Variants in SHISA9 observed in about 807,000 individuals in gnomAD.
SHISA9 encodes protein shisa-9.
Under a neutral mutation model 38.0 loss-of-function variants are expected in SHISA9, and 13 were observed. The observed-to-expected ratio is 0.34, with a 90% confidence interval of 0.22 to 0.54. SHISA9 has a LOEUF of 0.54. Among genes scored for constraint, SHISA9 ranks in the 20% least tolerant of loss-of-function variants. The pLI is 0.91. For synonymous variants in SHISA9, 275 were observed against 242.0 expected (o/e 1.14, Z -1.27); for missense variants, 538 against 575.8 (o/e 0.93, Z 0.67).
At chr16:13,167,356 G>A (rs1171745800) in intron 2 of SHISA9, among the ~76,000 whole-genome samples, 2 of 152,134 alleles carry the variant, frequency 1.3e-5, no homozygotes, top group African/African-American at 4.8e-5. Context: ...ACAGGCGTGA[G>A]CCAGTGCACC....
intron 2 of SHISA9, among the ~76,000 whole-genome samples, chr16:13,023,340 G>T (rs926998971): frequency 1.1e-4 from 16 of 152,146 alleles, no homozygotes; most frequent in Non-Finnish European, 2.9e-5. Flanking sequence ...CCCTGCAAAG[G>T]ACATGAACTC....
At chr16:12,917,197 T>C (rs2071269747) in intron 2 of SHISA9, among the ~76,000 whole-genome samples, 1 of 152,220 alleles carries the variant, frequency 6.6e-6, no homozygotes, top group Admixed American at 6.5e-5. Flanking sequence ...TAGCCAATGG[T>C]CTGCTAGCTT....
At chr16:13,109,129 T>C (rs750853165) in intron 2 of SHISA9, among the ~76,000 whole-genome samples, 12 of 152,178 alleles carry the variant, frequency 7.9e-5, no homozygotes, top group Non-Finnish European at 1.5e-4. Flanking sequence ...GGGGCTCAAG[T>C]GATCCTCCTA....
the SHISA9 span, among the ~76,000 whole-genome samples, chr16:13,367,688 G>A: frequency 4.0e-5 from 5 of 125,882 alleles, no homozygotes; most frequent in Admixed American, 8.3e-5. Flanking sequence ...AAGTGTACAC[G>A]CGTGTGCGTG....
In SHISA9 at chr16:13,235,272, C is replaced by G; in HGVS notation, c.1138C>G (p.Arg380Gly). 2 of 1,551,630 alleles carry G rather than the reference C, an allele frequency of 1.3e-6. No individual in the cohort carries two copies. Among genetic ancestry groups the G allele is most frequent in the Non-Finnish European group, 1.7e-6 (2 of 1,147,016 alleles). Reference sequence around the variant, plus strand: ...GGACCCCAACGAGCAGTCCCTCCGGCGGCAGGCTTACAGCAACAAGGGCAA... The same window carrying G: ...GGACCCCAACGAGCAGTCCCTCCGGGGGCAGGCTTACAGCAACAAGGGCAA... ...GWDPNEQSLR[R>G]QAYSNKGKLG... The change falls in exon 5 of 5, where the codon CGG becomes GGG. Residue 380 changes from arginine to glycine, a missense_variant. By Grantham distance (125) the Arg-to-Gly change is moderately radical (BLOSUM62 -2). Coordinates refer to ENST00000558583, the MANE Select transcript of SHISA9 (RefSeq NM_001145204.3).
intron 2 of SHISA9, among the ~76,000 whole-genome samples, chr16:13,142,987 TCC>T (rs2050414354): frequency 6.9e-6 from 1 of 144,214 alleles, no homozygotes; most frequent in African/African-American, 2.5e-5. Flanking sequence ...TGTAGCTGTT[TCC>T]TTTTATTTTA....
In SHISA9 at chr16:12,963,217, C is replaced by G. The variant is rs556024811; in HGVS notation, c.691+46402C>G. 7.2e-5 allele frequency among the ~76,000 whole-genome samples: 11 copies of G among 152,274 alleles called. No homozygotes were observed. In the South Asian group the frequency reaches 2.3e-3, roughly 32 times the overall value. On this transcript the variant is annotated intron_variant, in intron 2 of 4. Transcript: ENST00000558583. ...CAGTTTGTTGTGAGATAATGTGTGC[C>G]TGTTGTGATGAGATGAGTGGGAATG... is the stretch of plus-strand genomic sequence containing the variant.
At chr16:13,354,940 A>C in the SHISA9 span, among the ~76,000 whole-genome samples, 1 of 151,776 alleles carries the variant, frequency 6.6e-6, no homozygotes, top group East Asian at 2.0e-4. Flanking sequence ...GCTTTGCGGC[A>C]GTACAGCCCA....
chr16:13,079,630 T>A lies in SHISA9; in HGVS notation c.692-123764T>A, dbSNP rs137944802. 4.5e-3 allele frequency among the ~76,000 whole-genome samples: 681 copies of A among 152,298 alleles called. 4 individuals carry two copies. Among genetic ancestry groups the A allele is most frequent in the African/African-American group, 0.016 (662 of 41,568 alleles). On this transcript the variant is annotated intron_variant, in intron 2 of 4. Coordinates refer to ENST00000558583, the MANE Select transcript of SHISA9 (RefSeq NM_001145204.3). ...AACGCATTTCTCCTGGAAGATCCAT[T>A]TTCTCCTGACAATGCTCTCTGTTTG...
the SHISA9 span, among the ~76,000 whole-genome samples, chr16:13,266,864 T>C: frequency 6.6e-6 from 1 of 152,304 alleles, no homozygotes; most frequent in African/African-American, 2.4e-5. Context: ...AGGGATTATT[T>C]AGTACCCACT....
intron 2 of SHISA9, among the ~76,000 whole-genome samples, chr16:13,201,645 C>T (rs528610410): frequency 3.8e-5 from 5 of 131,802 alleles, no homozygotes; most frequent in African/African-American, 1.2e-4. Flanking sequence ...AGTTTCCCGA[C>T]TCCTACTCTA....
downstream of SHISA9, among the ~76,000 whole-genome samples, chr16:13,241,009 C>T (rs574008974): frequency 1.3e-5 from 2 of 152,270 alleles, no homozygotes; most frequent in South Asian, 4.2e-4. Context: ...TGTCAGCTAC[C>T]ACTATGCACG....
intron 2 of SHISA9, among the ~76,000 whole-genome samples, chr16:12,948,335 A>G (rs547183532): frequency 2.0e-5 from 3 of 152,336 alleles, no homozygotes; most frequent in South Asian, 2.1e-4. Flanking sequence ...TCATCAGTAA[A>G]GGAGGACTTA....
intron 2 of SHISA9, among the ~76,000 whole-genome samples, chr16:13,018,129 C>T (rs1467686494): frequency 6.6e-6 from 1 of 152,204 alleles, no homozygotes; most frequent in African/African-American, 2.4e-5. Flanking sequence ...GGAGCCTTGA[C>T]CAGGTCAGCT....
At chr16:13,479,822 C>T in the SHISA9 span, among the ~76,000 whole-genome samples, 1 of 152,180 alleles carries the variant, frequency 6.6e-6, no homozygotes, top group East Asian at 1.9e-4. Context: ...TTCCCTTTGT[C>T]AGGGATTCCC....
intron 2 of SHISA9, among the ~76,000 whole-genome samples, chr16:12,970,484 TATATATATATATA>T (rs2072061841): frequency 3.9e-5 from 1 of 25,660 alleles, no homozygotes; most frequent in African/African-American, 1.3e-4. Flanking sequence ...TATATATATA[TATATATATATATA>T]TTTTTTTTTT....
intron 2 of SHISA9, among the ~76,000 whole-genome samples, chr16:13,161,027 C>T (rs2050590864): frequency 6.6e-6 from 1 of 152,174 alleles, no homozygotes; most frequent in African/African-American, 2.4e-5. Context: ...TGAACCAAAG[C>T]TTTATAAATA....
At chr16:13,135,624 T>C (rs1567223546) in intron 2 of SHISA9, among the ~76,000 whole-genome samples, 1 of 152,208 alleles carries the variant, frequency 6.6e-6, no homozygotes, top group Non-Finnish European at 1.5e-5. Context: ...CAGGTGTTGA[T>C]TCCTTGCTTA....
intron 2 of SHISA9, among the ~76,000 whole-genome samples, chr16:13,050,790 C>T (rs992590754): frequency 6.6e-6 from 1 of 152,234 alleles, no homozygotes; most frequent in African/African-American, 2.4e-5. Flanking sequence ...CTCAGTCATT[C>T]TGCTTCTGTG....
Sources: gnomAD v4.1 joint callset for allele counts (sites outside exome capture counted in the v4.1 genomes callset) on GRCh38, gnomAD v4.1.1 for gene constraint, MANE v1.5 for transcripts, NCBI Gene and HGNC (gene_info 2026-07-23, HGNC 2026-07-21) for gene names.